Variants in MSRA observed in about 807,000 individuals in gnomAD.
MSRA encodes methionine sulfoxide reductase A.
Under a neutral mutation model 31.3 loss-of-function variants are expected in MSRA, and 54 were observed. The ratio of observed to expected loss-of-function variants is 1.73; its 90% CI spans 1.39 to 2.17. The LOEUF is 2.17. Among genes scored for constraint, MSRA ranks in the 30% most tolerant of loss-of-function variants. The pLI is 0.00. For missense variants in MSRA, 507 were observed against 300.9 expected, an observed-to-expected ratio of 1.69 and a Z score of -5.07; for synonymous variants, 169 against 116.5, an observed-to-expected ratio of 1.45 and a Z score of -2.90.
chr8:10,093,518 T>C (rs1167013016), intron 1 of MSRA, among the ~76,000 whole-genome samples: 1 of 152,202 alleles, frequency 6.6e-6, no homozygotes, highest in Non-Finnish European at 1.5e-5. Flanking sequence ...ATTGTGTGCT[T>C]TTCAACATAG....
At chr8:10,332,358 C>T (rs769818762) in intron 5 of MSRA, among the ~76,000 whole-genome samples, 2 of 151,842 alleles carry the variant, frequency 1.3e-5, no homozygotes, top group Non-Finnish European at 2.9e-5. Context: ...TTTTTTTTAT[C>T]TGTGCTTTTG....
At chr8:10,280,448 T>C (rs1337349470) in intron 3 of MSRA, among the ~76,000 whole-genome samples, 1 of 152,240 alleles carries the variant, frequency 6.6e-6, no homozygotes, top group African/African-American at 2.4e-5. Flanking sequence ...TTAAAGATTT[T>C]AACATTGTAA....
chr8:10,371,192 C>T (rs188221217), intron 5 of MSRA, among the ~76,000 whole-genome samples: 6 of 152,182 alleles, frequency 3.9e-5, no homozygotes, highest in Admixed American at 6.5e-5. Context: ...GGAACAAGAT[C>T]GAGAAGGATG....
intron 2 of MSRA, among the ~76,000 whole-genome samples, chr8:10,224,630 G>A (rs575779686): frequency 6.6e-6 from 1 of 152,234 alleles, no homozygotes; most frequent in East Asian, 1.9e-4. Flanking sequence ...ACAGAGCTGA[G>A]AGTCCCTCTA....
intron 1 of MSRA, among the ~76,000 whole-genome samples, chr8:10,116,243 T>C (rs1800668287): frequency 1.3e-5 from 2 of 152,260 alleles, no homozygotes; most frequent in African/African-American, 4.8e-5. Context: ...CATAAACTTT[T>C]TTAAAACATT....
At position 10,078,876 on chromosome 8, in the gene MSRA, A is replaced by T. The variant is rs191111451; in HGVS notation, c.142+24218A>T. Among the ~76,000 whole-genome samples the T allele has an allele frequency of 1.9e-3, 286 of 152,310 alleles. 2 individuals are homozygous for T. The highest frequency in any genetic ancestry group is 6.6e-3 in the African/African-American group (273 of 41,554). ...CTGAATTAACATGGATGCCTTCCTT[A>T]TCCTTAACAAGGTTTGTCTTGAATG... On this transcript the variant is annotated intron_variant, in intron 1 of 5. Coordinates refer to ENST00000317173, the MANE Select transcript of MSRA (RefSeq NM_012331.5).
rs150059361 is a variant in MSRA at position 10,081,164 on chromosome 8, G to A, written c.142+26506G>A. On this transcript the variant is annotated intron_variant, in intron 1 of 5. Transcript: ENST00000317173. ...CCATCCACAGCAACAGCAGGAAGGG[G>A]TTGATCAGGAGGCATCATATAAGAA... 6.0e-3 allele frequency among the ~76,000 whole-genome samples: 919 copies of A among 152,314 alleles called. 20 individuals carry two copies. The highest frequency in any genetic ancestry group is 0.021 in the African/African-American group (887 of 41,568).
At chr8:10,167,743 C>T (rs1328569789) in intron 1 of MSRA, among the ~76,000 whole-genome samples, 4 of 152,106 alleles carry the variant, frequency 2.6e-5, no homozygotes, top group South Asian at 2.1e-4. Flanking sequence ...TGTCAAAAGC[C>T]TGGAGAGTTG....
At chr8:10,405,900 G>A (rs937839636) in intron 5 of MSRA, among the ~76,000 whole-genome samples, 7 of 152,124 alleles carry the variant, frequency 4.6e-5, no homozygotes, top group East Asian at 3.8e-4. Flanking sequence ...TCACATACAC[G>A]CTGTACTCAC....
At chr8:10,404,098 G>T (rs1186110943) in intron 5 of MSRA, among the ~76,000 whole-genome samples, 1 of 152,116 alleles carries the variant, frequency 6.6e-6, no homozygotes, top group Admixed American at 6.5e-5. Flanking sequence ...GTAGACTTCG[G>T]AAAATGCTTC....
At chr8:10,391,216 A>G (rs1806724719) in intron 5 of MSRA, among the ~76,000 whole-genome samples, 2 of 152,130 alleles carry the variant, frequency 1.3e-5, no homozygotes, top group South Asian at 4.1e-4. Flanking sequence ...TTGGTCACAC[A>G]CCCCAAGTGA....
chr8:10,204,065 G>C (rs551845166), intron 1 of MSRA, among the ~76,000 whole-genome samples: 2 of 151,690 alleles, frequency 1.3e-5, no homozygotes, highest in African/African-American at 2.4e-5. Flanking sequence ...AATTTAAAAA[G>C]TAAAAAATGA....
chr8:10,271,070 T>C (rs1219219334), intron 3 of MSRA, among the ~76,000 whole-genome samples: 1 of 151,996 alleles, frequency 6.6e-6, no homozygotes, highest in African/African-American at 2.4e-5. Context: ...TTCTTCTTTT[T>C]TTTTTTTTTA....
At chr8:10,268,212 C>A (rs753248472) in intron 3 of MSRA, among the ~76,000 whole-genome samples, 1 of 152,208 alleles carries the variant, frequency 6.6e-6, no homozygotes, top group Admixed American at 6.5e-5. Context: ...TGAATAATTG[C>A]AGCACACCGT....
intron 3 of MSRA, among the ~76,000 whole-genome samples, chr8:10,262,421 G>C (rs1326971533): frequency 6.6e-6 from 1 of 152,144 alleles, no homozygotes; most frequent in African/African-American, 2.4e-5. Context: ...AATTCTGATA[G>C]GTGTATAGTG....
At chr8:10,236,968 G>T (rs576944467) in intron 2 of MSRA, among the ~76,000 whole-genome samples, 1 of 152,168 alleles carries the variant, frequency 6.6e-6, no homozygotes, top group Non-Finnish European at 1.5e-5. Flanking sequence ...AAAACCTTGC[G>T]TAAGTCCTCA....
intron 2 of MSRA, among the ~76,000 whole-genome samples, chr8:10,210,948 C>T (rs1013146035): frequency 6.6e-6 from 1 of 151,434 alleles, no homozygotes; most frequent in South Asian, 2.1e-4. Context: ...GTTGGCCAGG[C>T]TGGTCTCGAA....
At chr8:10,082,625 G>A (rs991910211) in intron 1 of MSRA, among the ~76,000 whole-genome samples, 4 of 152,094 alleles carry the variant, frequency 2.6e-5, no homozygotes, top group Admixed American at 6.5e-5. Context: ...CACTGACCTC[G>A]CATTAAATTG....
chr8:10,070,243 A>C (rs1191875226), intron 1 of MSRA, among the ~76,000 whole-genome samples: 4 of 152,204 alleles, frequency 2.6e-5, no homozygotes, highest in Non-Finnish European at 5.9e-5. Flanking sequence ...TTGGTTTCTA[A>C]GTACAGCGTG....
Sources: allele counts gnomAD v4.1 joint callset (sites outside exome capture counted in the v4.1 genomes callset), GRCh38; gene constraint gnomAD v4.1.1; transcripts MANE v1.5; gene names NCBI Gene and HGNC (gene_info 2026-07-23, HGNC 2026-07-21).